OVCH2: variants seen among roughly 807,000 people sequenced by gnomAD.
OVCH2 encodes the protein ovochymase-2.
OVCH2 carries 88 observed loss-of-function variants against 73.7 expected under a neutral mutation model. The ratio of observed to expected loss-of-function variants is 1.19; its 90% confidence interval spans 1.01 to 1.43. The LOEUF (loss-of-function observed/expected upper bound fraction) is 1.43. Among genes scored for constraint, OVCH2 ranks in the 40% most tolerant of loss-of-function variants. OVCH2 has a pLI of 0.00. For synonymous variants in OVCH2, 265 were observed against 234.5 expected (o/e 1.13, Z -1.19); for missense variants, 706 against 674.5 (o/e 1.05, Z -0.52).
chr11:7,684,550 G>A (rs1856122896), downstream of OVCH2, among the ~76,000 whole-genome samples: 1 of 146,084 alleles, frequency 6.8e-6, no homozygotes, highest in African/African-American at 2.6e-5. Context: ...GTGTATTACG[G>A]TTCTTAAATC....
Position 7,689,908 on chromosome 11 carries a change from C to T in OVCH2, c.*31+16G>A, listed in dbSNP as rs1856188752. 2.1e-6 allele frequency: 3 copies of T among 1,410,240 alleles called. No homozygotes were observed. Among genetic ancestry groups the T allele is most frequent in the Non-Finnish European group, 2.9e-6 (3 of 1,032,868 alleles). 87.4% of individuals were successfully genotyped at this position (1,410,240 alleles called of 1,614,324 possible). A position where few individuals can be genotyped will look rare whatever the true frequency, so the allele number is the denominator to read the frequency against. On this transcript the variant is annotated intron_variant, in intron 15 of 15. Coordinates refer to ENST00000533663, the MANE Select transcript of OVCH2 (RefSeq NM_198185.7). ...TTATACTCTGTGTGTATCAATTGGT[C>T]CCCAAAACAGCTTACCAGAAACATT...
At chr11:7,695,539 A>G in intron 11 of OVCH2, 31 bp downstream of exon 11, 1 of 1,583,672 alleles carries the variant, frequency 6.3e-7, no homozygotes, top group Non-Finnish European at 8.6e-7. Flanking sequence ...GAAGGTGGAG[A>G]TAGTATGTGA....
chr11:7,678,763 C>G, the OVCH2 span, among the ~76,000 whole-genome samples: 3 of 152,216 alleles, frequency 2.0e-5, no homozygotes, highest in East Asian at 1.9e-4. Context: ...AAGATGGGAG[C>G]AGTAGCCACT....
Position 7,694,211 on chromosome 11 carries a change from C to A in OVCH2, c.1413+847G>T, listed in dbSNP as rs571209891. Among the ~76,000 whole-genome samples, 9 of 152,280 alleles carry A rather than the reference C, an allele frequency of 5.9e-5. No homozygotes were observed. The South Asian group carries it at 1.9e-3, about 32-fold the overall frequency. ...AGAAAATGCCTCATTCCAATCTCAC[C>A]CTGACTGCAGTCCTACTTCTACCTC... On this transcript the variant is annotated intron_variant, in intron 12 of 15. Coordinates refer to ENST00000533663, the MANE Select transcript of OVCH2 (RefSeq NM_198185.7).
At chr11:7,686,074 T>C (rs535035523), downstream of OVCH2, among the ~76,000 whole-genome samples, 1 of 152,380 alleles carries the variant, frequency 6.6e-6, no homozygotes, top group African/African-American at 2.4e-5. Context: ...ATCAGTCTTA[T>C]ATTCAGATTT....
chr11:7,698,712 T>C, intron 8 of OVCH2, 38 bp downstream of exon 8: 3 of 1,597,770 alleles, frequency 1.9e-6, no homozygotes, highest in Non-Finnish European at 2.6e-6. Flanking sequence ...AGATGTTAAT[T>C]TGTGCTCCTG....
chr11:7,694,897 T>C lies in OVCH2; in HGVS notation c.1413+161A>G, dbSNP rs368286255. On this transcript the variant is annotated intron_variant, in intron 12 of 15. Transcript: ENST00000533663. Reference sequence around the variant, plus strand: ...CAGGGGAAACTGGGCGGATCCATTATTCAGCAAGTATTTATTGACAGCTTT... The same window carrying C: ...CAGGGGAAACTGGGCGGATCCATTACTCAGCAAGTATTTATTGACAGCTTT... 1.8e-4 allele frequency among the ~76,000 whole-genome samples: 28 copies of C among 151,694 alleles called. No homozygotes were observed. The South Asian group carries it at 4.6e-3, about 25-fold the overall frequency.
At chr11:7,694,606 GT>G (rs11395703) in intron 12 of OVCH2, among the ~76,000 whole-genome samples, 2 of 114,656 alleles carry the variant, frequency 1.7e-5, no homozygotes, top group African/African-American at 7.4e-5. Flanking sequence ...CCAACACAAA[GT>G]TTTTGTTTTG....
intron 12 of OVCH2, among the ~76,000 whole-genome samples, chr11:7,694,597 C>T (rs1391013226): frequency 6.4e-5 from 6 of 93,322 alleles, no homozygotes; most frequent in African/African-American, 1.5e-4. Context: ...TAAAAGTCAC[C>T]AACACAAAGT....
At chr11:7,687,308 A>AATAATAAT (rs1565164515), downstream of OVCH2, among the ~76,000 whole-genome samples, 1,948 of 132,492 alleles carry the variant, frequency 0.015, 29 homozygotes, top group African/African-American at 0.038. Context: ...ATGGCTGTGG[A>AATAATAAT]AATAATAATA....
chr11:7,703,942 G>A lies in OVCH2; in HGVS notation c.199-153C>T, dbSNP rs544392474. Among the ~76,000 whole-genome samples the A allele has an allele frequency of 2.2e-3, 342 of 152,282 alleles. 1 individual carries two copies. The highest frequency in any genetic ancestry group is 7.9e-3 in the African/African-American group (328 of 41,562). On this transcript the variant is annotated intron_variant, in intron 2 of 15. Transcript: ENST00000533663. ...GAAAAGATAAAGCCCAGACACTACC[G>A]CTCAGAAAGAAGAGTGGTGCTGGCA... is the stretch of plus-strand genomic sequence containing the variant.
intron 7 of OVCH2, chr11:7,699,338 A>G (rs1319592493): frequency 1.3e-5 from 2 of 152,430 alleles, no homozygotes; most frequent in African/African-American, 4.8e-5. Context: ...ATCCCTCAAT[A>G]TCTGTGGGGG....
chr11:7,689,141 A>T (rs905022304), downstream of OVCH2, among the ~76,000 whole-genome samples: 1 of 152,226 alleles, frequency 6.6e-6, no homozygotes, highest in Non-Finnish European at 1.5e-5. Flanking sequence ...AGTAATTAAA[A>T]TTCCTAATCA....
At chr11:7,683,129 G>C in the OVCH2 span, among the ~76,000 whole-genome samples, 1 of 152,170 alleles carries the variant, frequency 6.6e-6, no homozygotes, top group Non-Finnish European at 1.5e-5. Flanking sequence ...TATGCTGATA[G>C]TTTTGAAGTT....
chr11:7,682,230 C>G, the OVCH2 span, among the ~76,000 whole-genome samples: 48,798 of 152,164 alleles, frequency 0.32, 8,828 homozygotes, highest in African/African-American at 0.49. Flanking sequence ...CCTTCTCCAA[C>G]ATCACATCGC....
chr11:7,706,066 C>G (rs576697986), intron 1 of OVCH2, among the ~76,000 whole-genome samples: 1 of 152,048 alleles, frequency 6.6e-6, no homozygotes, highest in Non-Finnish European at 1.5e-5. Flanking sequence ...GAAAACTAAG[C>G]GAAGAAAACA....
In OVCH2 at chr11:7,694,914, G is replaced by A. The variant is rs547015579; in HGVS notation, c.1413+144C>T. The stretch of plus-strand genomic sequence containing the variant: ...ATCCATTATTCAGCAAGTATTTATT[G>A]ACAGCTTTGTGTGTCAGGTGCTGGG... On this transcript the variant is annotated intron_variant, in intron 12 of 15. Transcript: ENST00000533663. 19 of 833,408 alleles carry A rather than the reference G, an allele frequency of 2.3e-5. 1 individual carries two copies. Among genetic ancestry groups the A allele is most frequent in the African/African-American group, 1.3e-4 (7 of 53,080 alleles). 51.6% of individuals were successfully genotyped at this position (833,408 alleles called of 1,614,324 possible).
At position 7,702,234 on chromosome 11, in the gene OVCH2, A is replaced by T. The variant is rs200564715; in HGVS notation, c.386T>A (p.Ile129Lys). 2.3e-5 allele frequency: 37 copies of T among 1,613,046 alleles called. No individual in the cohort carries two copies. The highest frequency in any genetic ancestry group is 2.8e-5 in the Non-Finnish European group (33 of 1,179,368). The part of the protein sequence containing the change: ...EQTLTIETVI[I>K]HPHFSTKKPM... ...TTTCTTGGTGGAGAAATGTGGATGT[A>T]TGATGACAGTTTCAATAGTGAGAGT... Residue 129 changes from isoleucine (I) to lysine (K), a missense_variant, in exon 4 of 16, where the codon ATA becomes AAA. Transcript: ENST00000533663.
the OVCH2 span, among the ~76,000 whole-genome samples, chr11:7,684,193 A>G: frequency 6.6e-6 from 1 of 152,078 alleles, no homozygotes; most frequent in African/African-American, 2.4e-5. Flanking sequence ...TTTCTTGACC[A>G]TCAAAAAAGT....
Sources: gnomAD v4.1 joint callset for allele counts (sites outside exome capture counted in the v4.1 genomes callset) on GRCh38, gnomAD v4.1.1 for gene constraint, MANE v1.5 for transcripts, NCBI Gene and HGNC (gene_info 2026-07-23, HGNC 2026-07-21) for gene names.